Variants in TRAM1 observed in about 807,000 individuals in gnomAD.
TRAM1 encodes the protein translocating chain-associated membrane protein 1.
A neutral mutation model predicts 48.7 loss-of-function variants in TRAM1; 17 were observed. The observed-to-expected ratio is 0.35, with a 90% confidence interval of 0.24 to 0.52. The LOEUF is 0.52. TRAM1 is among the 20% of genes least tolerant of loss of function. The pLI, the probability that TRAM1 is intolerant of heterozygous loss-of-function variation, is 0.94. For missense variants in TRAM1, 351 were observed against 441.5 expected, an observed-to-expected ratio of 0.79 and a Z score of 1.84; for synonymous variants, 182 against 154.0, an observed-to-expected ratio of 1.18 and a Z score of -1.34.
chr8:70,604,085 C>A (rs1817667450), intron 1 of TRAM1, among the ~76,000 whole-genome samples: 1 of 152,054 alleles, frequency 6.6e-6, no homozygotes, highest in African/African-American at 2.4e-5. Context: ...AGTAAAAATA[C>A]CTGAGTTTAT....
In TRAM1 at chr8:70,600,212, T is replaced by TGTG; in HGVS notation, c.124-131_124-130insCAC. The stretch of plus-strand genomic sequence containing the variant: ...GGGCCTCCTCGTTCCTGTGGAATCC[T>TGTG]GACAGACACAATGGAAATTACTGAT... On this transcript the variant is annotated intron_variant, in intron 1 of 10. Coordinates refer to ENST00000262213, the MANE Select transcript of TRAM1 (RefSeq NM_014294.6). 4.6e-6 allele frequency: 3 copies of TGTG among 656,074 alleles called. No individual in the cohort carries two copies. In the South Asian group the frequency reaches 5.8e-5, roughly 13 times the overall value. The allele number at this position is 656,074 out of a possible 1,614,324, so 40.6% of individuals were successfully genotyped here. A position where few individuals can be genotyped will look rare whatever the true frequency, so the allele number is the denominator to read the frequency against.
At chr8:70,578,195 G>A (rs1226723883) in intron 10 of TRAM1, among the ~76,000 whole-genome samples, 3 of 152,220 alleles carry the variant, frequency 2.0e-5, no homozygotes, top group Non-Finnish European at 4.4e-5. Flanking sequence ...CACCCCAAGG[G>A]TGACATCAGG....
In TRAM1 at chr8:70,583,214, A is replaced by G; in HGVS notation, c.1001T>C (p.Val334Ala). ...REHSAFQAPA[V>A]KKKPTVTKGR... is the part of the protein sequence containing the mutation. ...TTTAGTTACTGTTGGTTTCTTCTTC[A>G]CAGCTGGTGCCTGAAAAGCAGAATG... Residue 334 changes from valine (V) to alanine (A), a missense_variant, in exon 10 of 11, where the codon GTG becomes GCG. Physicochemically the swap from Val to Ala is moderately conservative, Grantham distance 64 (BLOSUM62 0). Coordinates refer to ENST00000262213, the MANE Select transcript of TRAM1 (RefSeq NM_014294.6). 6.2e-7 allele frequency: 1 copy of G among 1,613,968 alleles called. No individual in the cohort carries two copies.
At chr8:70,576,102 A>AC (rs976335311) in intron 10 of TRAM1, among the ~76,000 whole-genome samples, 4 of 149,160 alleles carry the variant, frequency 2.7e-5, no homozygotes, top group African/African-American at 9.9e-5. Flanking sequence ...AAAACCACAC[A>AC]AAAAAAAACC....
At position 70,583,432 on chromosome 8, in the gene TRAM1, A is replaced by T. The variant is rs541180717; in HGVS notation, c.891-108T>A. 11 of 1,352,922 alleles carry T rather than the reference A, an allele frequency of 8.1e-6. No individual in the cohort carries two copies. The African/African-American group carries it at 1.6e-4, about 20-fold the overall frequency. The allele number at this position is 1,352,922 out of a possible 1,614,324, so 83.8% of individuals were successfully genotyped here. ...TAATAATTCCCACTCAGTTGAGAAA[A>T]TTGTATTAATAATCATTGCATTAAT... On this transcript the variant is annotated intron_variant, in intron 9 of 10. Transcript: ENST00000262213.
intron 6 of TRAM1, among the ~76,000 whole-genome samples, chr8:70,588,662 T>TAC (rs1187366647): frequency 6.6e-6 from 1 of 152,204 alleles, no homozygotes; most frequent in Non-Finnish European, 1.5e-5. Flanking sequence ...TTCCACATTT[T>TAC]ACACACACAC....
rs748877216 is a variant in TRAM1 at position 70,573,662 on chromosome 8, C to G, written c.*1270G>C. The G allele has an allele frequency of 6.6e-6, 1 of 152,514 alleles. No individual in the cohort carries two copies. 9.4% of individuals were successfully genotyped at this position (152,514 alleles called of 1,614,324 possible). A position where few individuals can be genotyped will look rare whatever the true frequency, so the allele number is the denominator to read the frequency against. ...ATCTAATAGGTCTGCAACTTTTACACTAAAAATGGCACAAACAGCTGGTGA... is the reference window on the plus strand; with the variant it reads ...ATCTAATAGGTCTGCAACTTTTACAGTAAAAATGGCACAAACAGCTGGTGA... On this transcript the variant is annotated 3_prime_UTR_variant, in exon 11 of 11. Coordinates refer to ENST00000262213, the MANE Select transcript of TRAM1 (RefSeq NM_014294.6).
intron 1 of TRAM1, among the ~76,000 whole-genome samples, chr8:70,606,626 A>C (rs902185265): frequency 1.3e-5 from 2 of 152,184 alleles, no homozygotes; most frequent in Non-Finnish European, 2.9e-5. Flanking sequence ...TGGGTCACCC[A>C]GTAGGTAGGT....
chr8:70,592,838 A>C (rs903754746), intron 6 of TRAM1, among the ~76,000 whole-genome samples: 3 of 152,264 alleles, frequency 2.0e-5, no homozygotes, highest in Non-Finnish European at 4.4e-5. Context: ...TCCTCTGTTC[A>C]AAATGGTACA....
intron 10 of TRAM1, among the ~76,000 whole-genome samples, chr8:70,582,852 A>C (rs867955602): frequency 2.0e-5 from 3 of 152,214 alleles, no homozygotes; most frequent in Admixed American, 1.3e-4. Flanking sequence ...GCTTGAAAAC[A>C]AACTACCATC....
At chr8:70,585,794 G>C (rs1245739180) in intron 8 of TRAM1, among the ~76,000 whole-genome samples, 2 of 104,478 alleles carry the variant, frequency 1.9e-5, no homozygotes, top group African/African-American at 6.1e-5. Context: ...AGAGGATGTG[G>C]AGAAATAGGA....
intron 3 of TRAM1, 56 bp from the exon 4 acceptor site, chr8:70,598,067 A>G: frequency 6.5e-7 from 1 of 1,544,078 alleles, no homozygotes; most frequent in South Asian, 1.3e-5. Flanking sequence ...TATATTTAAT[A>G]TATGACTAGC....
intron 1 of TRAM1, 48 bp downstream of exon 1, chr8:70,608,029 C>CGGGCTGGAGGTGGCGGGGCAGGCGGTTG: frequency 6.5e-7 from 1 of 1,534,366 alleles, no homozygotes; most frequent in Non-Finnish European, 8.7e-7. Flanking sequence ...AGCCCGGGCC[C>CGGGCTGGAGGTGGCGGGGCAGGCGGTTG]GGGCTGGAGG....
chr8:70,606,476 G>C (rs921957047), intron 1 of TRAM1, among the ~76,000 whole-genome samples: 1 of 152,216 alleles, frequency 6.6e-6, no homozygotes, highest in Non-Finnish European at 1.5e-5. Context: ...GATGTTTACA[G>C]GCATAAGCCA....
chr8:70,599,980 T>G (rs1268236038), intron 2 of TRAM1, 39 bp downstream of exon 2: 10 of 1,563,926 alleles, frequency 6.4e-6, no homozygotes, highest in Non-Finnish European at 8.8e-6. Context: ...TCAACTGAAC[T>G]TCTATTTACG....
chr8:70,603,473 T>C (rs1417882256), intron 1 of TRAM1, among the ~76,000 whole-genome samples: 7 of 152,034 alleles, frequency 4.6e-5, no homozygotes, highest in Non-Finnish European at 1.5e-5. Flanking sequence ...TCCCAGCACT[T>C]TGGGAGGCCA....
chr8:70,591,710 C>G (rs576487338), intron 6 of TRAM1, among the ~76,000 whole-genome samples: 1 of 152,120 alleles, frequency 6.6e-6, no homozygotes, highest in South Asian at 2.1e-4. Flanking sequence ...GATCTCCCCC[C>G]AAACCCCAGA....
At chr8:70,607,293 C>T in intron 1 of TRAM1, 1 of 985,396 alleles carries the variant, frequency 1.0e-6, no homozygotes, top group African/African-American at 1.7e-5. Flanking sequence ...CCCATCCTCT[C>T]CTACTTCAAG....
chr8:70,596,064 G>A (rs1817479969), intron 5 of TRAM1, among the ~76,000 whole-genome samples, 199 bp downstream of exon 5: 1 of 151,952 alleles, frequency 6.6e-6, no homozygotes, highest in East Asian at 1.9e-4. Flanking sequence ...TTACAAAGAT[G>A]TTGAAAAGAT....
Sources: allele counts gnomAD v4.1 joint callset (sites outside exome capture counted in the v4.1 genomes callset), GRCh38; gene constraint gnomAD v4.1.1; transcripts MANE v1.5; gene names NCBI Gene and HGNC (gene_info 2026-07-23, HGNC 2026-07-21).